The following SLC35D1 variants were observed in gnomAD, a reference collection of about 807,000 sequenced individuals.
SLC35D1 encodes nucleotide sugar transporter SLC35D1.
A neutral mutation model predicts 46.7 loss-of-function variants in SLC35D1; 31 were observed. That is an observed-to-expected ratio of 0.66 (90% confidence interval 0.50 to 0.90). The LOEUF is 0.90. Among genes scored for constraint, SLC35D1 ranks in the 40% least tolerant of loss-of-function variants. SLC35D1 has a pLI of 0.00. For synonymous variants in SLC35D1, 195 were observed against 164.6 expected, an observed-to-expected ratio of 1.18 and a Z score of -1.41; for missense variants, 397 against 426.2, an observed-to-expected ratio of 0.93 and a Z score of 0.60.
At chr1:67,043,911 G>T (rs867090218) in intron 7 of SLC35D1, among the ~76,000 whole-genome samples, 1 of 152,210 alleles carries the variant, frequency 6.6e-6, no homozygotes, top group African/African-American at 2.4e-5. Flanking sequence ...GACAGTGAGG[G>T]AGTGGTAAGG....
chr1:67,008,534 C>T (rs1012388448), intron 11 of SLC35D1: 18 of 1,065,692 alleles, frequency 1.7e-5, no homozygotes, highest in African/African-American at 5.0e-5. Flanking sequence ...TGGAACGTGC[C>T]GAACTGCTTC....
the SLC35D1 span, among the ~76,000 whole-genome samples, chr1:66,974,790 G>A: frequency 6.6e-6 from 1 of 152,144 alleles, no homozygotes; most frequent in Non-Finnish European, 1.5e-5. Context: ...GAGTACTCTA[G>A]TGAGAATATC....
intron 11 of SLC35D1, among the ~76,000 whole-genome samples, chr1:67,006,752 T>A (rs536907199): frequency 6.6e-6 from 1 of 152,174 alleles, no homozygotes; most frequent in Non-Finnish European, 1.5e-5. Flanking sequence ...CTAGGTTGAG[T>A]ATCTCTTATC....
the SLC35D1 span, among the ~76,000 whole-genome samples, chr1:66,977,626 C>G: frequency 2.6e-5 from 4 of 152,146 alleles, no homozygotes; most frequent in East Asian, 3.9e-4. Flanking sequence ...TTGTCTACAC[C>G]TCATTCAGTC....
chr1:66,986,211 G>GA, the SLC35D1 span: 1 of 1,255,810 alleles, frequency 8.0e-7, no homozygotes, highest in Non-Finnish European at 1.0e-6. Flanking sequence ...TTTCCAAAGT[G>GA]AAAATAAGAT....
intron 7 of SLC35D1, among the ~76,000 whole-genome samples, chr1:67,045,450 T>C (rs1331823395): frequency 6.6e-6 from 1 of 152,222 alleles, no homozygotes; most frequent in African/African-American, 2.4e-5. Flanking sequence ...ATCTGACTGT[T>C]TCTCTTGTTA....
At chr1:66,982,729 C>G in the SLC35D1 span, among the ~76,000 whole-genome samples, 48 of 152,278 alleles carry the variant, frequency 3.2e-4, no homozygotes, top group African/African-American at 1.2e-3. Flanking sequence ...CTCTTCTGAC[C>G]TTTGGTCTCA....
chr1:67,012,276 C>T (rs745546318), intron 10 of SLC35D1, among the ~76,000 whole-genome samples: 39 of 152,116 alleles, frequency 2.6e-4, no homozygotes, highest in Non-Finnish European at 5.3e-4. Context: ...TGGTGGTACC[C>T]CACATATCTG....
At chr1:67,021,050 G>GA (rs371785429) in intron 9 of SLC35D1, among the ~76,000 whole-genome samples, 2 of 151,506 alleles carry the variant, frequency 1.3e-5, no homozygotes, top group African/African-American at 2.4e-5. Flanking sequence ...ACTGGCTGAG[G>GA]AAAAAAAACA....
In SLC35D1 at chr1:67,053,928, A is replaced by G. The variant is rs1430298971; in HGVS notation, c.86T>C (p.Leu29Pro). The G allele has an allele frequency of 6.2e-7, 1 of 1,613,692 alleles. No homozygotes were observed. The highest frequency in any genetic ancestry group is 1.3e-5 in the African/African-American group (1 of 75,016). Residue 29 changes from leucine (L) to proline (P), a missense_variant, in exon 1 of 12, where the codon CTG becomes CCG. Physicochemically the swap from Leu to Pro is moderately conservative, Grantham distance 98. Coordinates refer to ENST00000235345, the MANE Select transcript of SLC35D1 (RefSeq NM_015139.3). Reference protein sequence around the residue: ...KSSTLRDEEELGMASAETLTV... With the variant: ...KSSTLRDEEEPGMASAETLTV... The stretch of plus-strand genomic sequence containing the variant: ...CAGCGTTTCGGCCGACGCCATCCCC[A>G]GCTCCTCCTCATCTCGGAGTGTGGA...
At chr1:66,992,082 GCGGTATTTCAAAA>G in the SLC35D1 span, among the ~76,000 whole-genome samples, 1 of 152,208 alleles carries the variant, frequency 6.6e-6, no homozygotes, top group Non-Finnish European at 1.5e-5. Context: ...CTTGTGACTA[GCGGTATTTCAAAA>G]CACATCACAG....
At chr1:67,031,585 A>C (rs1668018943) in intron 8 of SLC35D1, among the ~76,000 whole-genome samples, 1 of 152,100 alleles carries the variant, frequency 6.6e-6, no homozygotes, top group East Asian at 1.9e-4. Context: ...ACATGTTCTC[A>C]ATTTTTTTTT....
the SLC35D1 span, among the ~76,000 whole-genome samples, chr1:66,978,483 T>G: frequency 1.3e-5 from 2 of 152,218 alleles, no homozygotes; most frequent in African/African-American, 2.4e-5. Context: ...ATTGCAAATT[T>G]TATCTAATTG....
Position 67,043,699 on chromosome 1 carries a change from T to C in SLC35D1, c.637-1371A>G, listed in dbSNP as rs142210660. On this transcript the variant is annotated intron_variant, in intron 7 of 11. Transcript: ENST00000235345. ...ACATGAAGTAAAATGAAGATTAAGATTACTATAACTACAGCTCCCAGAACA... is the reference window on the plus strand; with the variant it reads ...ACATGAAGTAAAATGAAGATTAAGACTACTATAACTACAGCTCCCAGAACA... Among the ~76,000 whole-genome samples, 23 of 152,252 alleles carry C rather than the reference T, an allele frequency of 1.5e-4. No individual in the cohort carries two copies. The East Asian group carries it at 4.4e-3, about 29-fold the overall frequency.
At chr1:67,032,410 G>A (rs1022477576) in intron 8 of SLC35D1, among the ~76,000 whole-genome samples, 4 of 152,176 alleles carry the variant, frequency 2.6e-5, no homozygotes, top group African/African-American at 9.6e-5. Flanking sequence ...GCTGGGCTCG[G>A]TGGCTCACAC....
intron 5 of SLC35D1, 42 bp downstream of exon 5, chr1:67,050,391 C>T (rs745658926): frequency 1.4e-6 from 2 of 1,433,296 alleles, no homozygotes; most frequent in South Asian, 2.3e-5. Flanking sequence ...GGCACCTTTT[C>T]AAGGTGATTT....
chr1:66,986,525 A>G, the SLC35D1 span: 2 of 1,348,812 alleles, frequency 1.5e-6, no homozygotes, highest in Non-Finnish European at 2.1e-6. Context: ...TAATTGAGTG[A>G]AGGTTTGCAC....
chr1:67,025,777 T>C (rs1558157149), intron 8 of SLC35D1, among the ~76,000 whole-genome samples: 1 of 152,210 alleles, frequency 6.6e-6, no homozygotes, highest in Admixed American at 6.5e-5. Context: ...ACATATTTTG[T>C]TAAATTTATC....
intron 8 of SLC35D1, among the ~76,000 whole-genome samples, chr1:67,039,242 G>T (rs558335325): frequency 1.7e-3 from 263 of 152,240 alleles, no homozygotes; most frequent in Admixed American, 2.9e-3. Context: ...CATGTCCCCA[G>T]TTATTTTCAA....
Sources: gnomAD v4.1 joint callset for allele counts (sites outside exome capture counted in the v4.1 genomes callset) on GRCh38, gnomAD v4.1.1 for gene constraint, MANE v1.5 for transcripts, NCBI Gene and HGNC (gene_info 2026-07-23, HGNC 2026-07-21) for gene names.